SMC1B: variants seen among roughly 807,000 people sequenced by gnomAD.
The protein encoded by SMC1B is structural maintenance of chromosomes 1B.
A neutral mutation model predicts 157.9 loss-of-function variants in SMC1B; 60 were observed. The ratio of observed to expected loss-of-function variants is 0.38; its 90% CI spans 0.31 to 0.47. SMC1B has a LOEUF of 0.47. Ranked by LOEUF, SMC1B falls within the 20% of genes least tolerant of loss-of-function variation. The probability of loss-of-function intolerance (pLI) is 0.99; values close to 1 mark genes in which losing one functional copy is unlikely to be tolerated. For missense variants in SMC1B, 1,165 were observed against 1,426.2 expected (o/e 0.82, Z 2.95); for synonymous variants, 445 against 483.0 (o/e 0.92, Z 1.03).
intron 16 of SMC1B, among the ~76,000 whole-genome samples, chr22:45,362,218 T>A (rs1249801423): frequency 1.3e-5 from 2 of 152,208 alleles, no homozygotes; most frequent in Non-Finnish European, 2.9e-5. Flanking sequence ...TATTTTGGAT[T>A]CATTCCTCAG....
Position 45,372,234 on chromosome 22 carries a change from T to C in SMC1B, c.2117A>G (p.Gln706Arg). The C allele has an allele frequency of 5.6e-6, 9 of 1,611,696 alleles. No individual in the cohort carries two copies. The highest frequency in any genetic ancestry group is 7.6e-6 in the Non-Finnish European group (9 of 1,178,770). ...TDLKQIQTLI[Q>R]GTQTRLKYSQ... ...ATATTTGAGTCGTGTTTGAGTTCCC[T>C]GTATCAGGGTCTGTATTTGTTTCAA... is the stretch of plus-strand genomic sequence containing the variant. Residue 706 changes from glutamine to arginine, a missense_variant, in exon 13 of 25, where the codon CAG becomes CGG. Gln to Arg is a conservative substitution (Grantham distance 43, BLOSUM62 1). Coordinates refer to ENST00000357450, the MANE Select transcript of SMC1B (RefSeq NM_148674.5).
intron 12 of SMC1B, 51 bp from the exon 13 acceptor site, chr22:45,372,343 A>G (rs2146796853): frequency 6.7e-7 from 1 of 1,493,612 alleles, no homozygotes; most frequent in South Asian, 1.3e-5. Context: ...AAGCACTTTC[A>G]CTTTTCAAAG....
At chr22:45,403,295 A>C (rs1268649585) in intron 4 of SMC1B, among the ~76,000 whole-genome samples, 1 of 152,234 alleles carries the variant, frequency 6.6e-6, no homozygotes, top group Non-Finnish European at 1.5e-5. Flanking sequence ...ACATGTATAC[A>C]TATTAGAAAA....
chr22:45,361,973 G>C lies in SMC1B; in HGVS notation c.2574C>G (p.Asn858Lys). 1.2e-6 allele frequency: 2 copies of C among 1,613,764 alleles called. No individual in the cohort carries two copies. The highest frequency in any genetic ancestry group is 1.7e-6 in the Non-Finnish European group (2 of 1,179,912). Residue 858 changes from asparagine to lysine, a missense_variant, in exon 17 of 25, where the codon AAC (asparagine) becomes AAG (lysine). By Grantham distance (94) the Asn-to-Lys change is moderately conservative. Coordinates refer to ENST00000357450, the MANE Select transcript of SMC1B (RefSeq NM_148674.5). ...DIDHLKKAEE[N>K]CLQTVNELMA... ...TGAGTTCATTCACTGTCTGCAGACA[G>C]TTTTCTTCAGCCTGAACAGAGAGGA...
chr22:45,359,701 T>C (rs1390097359), intron 18 of SMC1B, 104 bp downstream of exon 18: 11 of 1,282,652 alleles, frequency 8.6e-6, no homozygotes, highest in Middle Eastern at 1.9e-4. Flanking sequence ...TGAGATGTCT[T>C]CACCACCCCT....
chr22:45,345,486 G>A lies in SMC1B; in HGVS notation c.3579C>T (p.Ala1193=), dbSNP rs758508822. 34 of 1,613,432 alleles carry A rather than the reference G, an allele frequency of 2.1e-5. No individual in the cohort carries two copies. Among genetic ancestry groups the A allele is most frequent in the African/African-American group, 9.4e-5 (7 of 74,856 alleles). The part of the protein sequence containing the change: ...ISLKEEFYSR[A]DALIGIYPEY... The stretch of plus-strand genomic sequence containing the variant: ...CAGGATAGATGCCGATCAGCGCGTC[G>A]GCTCTGGAATAGAACTCTTCTTTTA... Residue 1193 remains alanine, a synonymous_variant, in exon 24 of 25, where the codon GCC becomes GCT. Coordinates refer to ENST00000357450, the MANE Select transcript of SMC1B (RefSeq NM_148674.5).
rs2087205504 is a variant in SMC1B, at chr22:45,402,338, T to A, written c.849A>T (p.Glu283Asp). The change falls in exon 5 of 25, where the codon GAA (glutamate) becomes GAT (aspartate). Residue 283 changes from glutamate (E) to aspartate (D), a missense_variant. By Grantham distance (45) the Glu-to-Asp change is conservative. Coordinates refer to ENST00000357450, the MANE Select transcript of SMC1B (RefSeq NM_148674.5). ...LTRQLQQTEK[E>D]LKSVETLLNQ... is the part of the protein sequence containing the mutation. The stretch of plus-strand genomic sequence containing the variant: ...ATCTACTTTTAAAAACTCACTTTAA[T>A]TCTTTTTCTGTTTGTTGTAGTTGTC... 1.2e-6 allele frequency: 2 copies of A among 1,606,754 alleles called. No homozygotes were observed. The highest frequency in any genetic ancestry group is 2.2e-5 in the East Asian group (1 of 44,766).
intron 15 of SMC1B, among the ~76,000 whole-genome samples, chr22:45,369,607 A>T (rs1479149319): frequency 6.9e-6 from 1 of 145,736 alleles, no homozygotes; most frequent in African/African-American, 2.6e-5. Context: ...CAGTGGCGCA[A>T]TCTCCGCTCA....
Position 45,412,231 on chromosome 22 carries a change from G to A in SMC1B, c.109+1228C>T, listed in dbSNP as rs543932667. The stretch of plus-strand genomic sequence containing the variant: ...TATTTTATTTTAGAGTCGAAGTCTC[G>A]CTCTTGTTACCCAGGCTGGAGTGCG... On this transcript the variant is annotated intron_variant, in intron 1 of 24. Transcript: ENST00000357450. Among the ~76,000 whole-genome samples, 46 of 147,772 alleles carry A rather than the reference G, an allele frequency of 3.1e-4. 1 individual carries two copies. In the South Asian group the frequency reaches 3.5e-3, roughly 11 times the overall value.
intron 4 of SMC1B, among the ~76,000 whole-genome samples, chr22:45,404,131 A>G (rs753821177): frequency 1.3e-5 from 2 of 152,118 alleles, no homozygotes; most frequent in Non-Finnish European, 2.9e-5. Flanking sequence ...TAGTAAAGAC[A>G]GGGTTTCTCC....
In SMC1B at chr22:45,402,427, C is replaced by T; in HGVS notation, c.760G>A (p.Glu254Lys). 1 of 1,613,940 alleles carries T rather than the reference C, an allele frequency of 6.2e-7. No individual in the cohort carries two copies. The highest frequency in any genetic ancestry group is 8.5e-7 in the Non-Finnish European group (1 of 1,179,938). The change falls in exon 5 of 25, where the codon GAG becomes AAG. Residue 254 changes from glutamate (E) to lysine (K), a missense_variant. By Grantham distance (56) the Glu-to-Lys change is moderately conservative. Coordinates refer to ENST00000357450, the MANE Select transcript of SMC1B (RefSeq NM_148674.5). ...ATGTTTTCATGATGAGACAAAGACT[C>T]TCTTTTGACACTCAAATCCCTATTC... ...HVNRDLSVKR[E>K]SLSHHENIVK...
chr22:45,354,188 T>A, intron 20 of SMC1B, 56 bp from the exon 21 acceptor site: 1 of 1,331,628 alleles, frequency 7.5e-7, no homozygotes, highest in South Asian at 1.8e-5. Context: ...TTCTTTTACT[T>A]AAACTGTAAA....
At position 45,371,557 on chromosome 22, in the gene SMC1B, TTAG is replaced by T; in HGVS notation, c.2224_2226del (p.Leu742del). The T allele has an allele frequency of 6.3e-7, 1 of 1,594,440 alleles. No homozygotes were observed. Among genetic ancestry groups the T allele is most frequent in the Non-Finnish European group, 8.5e-7 (1 of 1,173,240 alleles). On this transcript the variant is annotated inframe_deletion, in exon 14 of 25. Transcript: ENST00000357450. ...AACATAATACATTGAGACTCAATAT[TTAG>T]TAGTTCACTTTGTAACTGAGATTGT...
chr22:45,360,676 C>CA (rs747455214), intron 17 of SMC1B, among the ~76,000 whole-genome samples: 2 of 151,644 alleles, frequency 1.3e-5, no homozygotes, highest in Admixed American at 6.6e-5. Flanking sequence ...TCTATTTACA[C>CA]AAAAAACAAG....
chr22:45,370,177 G>T, intron 14 of SMC1B, 117 bp from the exon 15 acceptor site: 1 of 530,006 alleles, frequency 1.9e-6, no homozygotes, highest in South Asian at 3.2e-5. Context: ...ATCCCACCAA[G>T]CATTACTGTA....
At chr22:45,364,563 G>C (rs1448781878) in intron 15 of SMC1B, among the ~76,000 whole-genome samples, 1 of 152,190 alleles carries the variant, frequency 6.6e-6, no homozygotes, top group Non-Finnish European at 1.5e-5. Flanking sequence ...CCACTTAGTG[G>C]TAGAGCCAGG....
chr22:45,383,657 G>T (rs766464252), intron 11 of SMC1B, 44 bp from the exon 12 acceptor site: 1 of 1,509,638 alleles, frequency 6.6e-7, no homozygotes. Flanking sequence ...TGTACATAAA[G>T]ATACAAATAA....
rs2087264146 is a variant in SMC1B at position 45,406,681 on chromosome 22, G to A, written c.412-18C>T. 1.9e-6 allele frequency: 3 copies of A among 1,595,534 alleles called. No homozygotes were observed. The African/African-American group carries it at 4.1e-5, about 22-fold the overall frequency. On this transcript the variant is annotated intron_variant, in intron 3 of 24. Coordinates refer to ENST00000357450, the MANE Select transcript of SMC1B (RefSeq NM_148674.5). ...ACAGTTCCCTTTTAAAAACAGTAAT[G>A]CACATCAACATATAAAATATAGTGA...
intron 8 of SMC1B, 121 bp from the exon 9 acceptor site, chr22:45,393,962 G>T: frequency 1.5e-6 from 1 of 666,332 alleles, no homozygotes. Context: ...AATTTTTAAA[G>T]GGTAAAAAAT....
Sources: allele counts gnomAD v4.1 joint callset (sites outside exome capture counted in the v4.1 genomes callset), GRCh38; gene constraint gnomAD v4.1.1; transcripts MANE v1.5; gene names NCBI Gene and HGNC (gene_info 2026-07-23, HGNC 2026-07-21).